The following PEPD variants were observed in gnomAD, a reference collection of about 807,000 sequenced individuals.
PEPD encodes the protein peptidase D.
In PEPD, 53 loss-of-function variants were observed where a neutral mutation model predicts 60.7. The ratio of observed to expected loss-of-function variants is 0.87; its 90% CI spans 0.70 to 1.10. The LOEUF (loss-of-function observed/expected upper bound fraction) is 1.10. PEPD is among the 50% of genes least tolerant of loss of function. PEPD has a pLI of 0.00. For synonymous variants in PEPD, 267 were observed against 284.1 expected (o/e 0.94, Z 0.60); for missense variants, 711 against 711.9 (o/e 1.00, Z 0.01).
chr19:33,507,061 C>G (rs1019911084), intron 3 of PEPD, among the ~76,000 whole-genome samples: 1 of 152,114 alleles, frequency 6.6e-6, no homozygotes, highest in African/African-American at 2.4e-5. Context: ...CAGCCCCCCA[C>G]ACATACACCA....
chr19:33,513,420 G>A (rs936166308), intron 1 of PEPD, among the ~76,000 whole-genome samples: 7 of 151,942 alleles, frequency 4.6e-5, no homozygotes, highest in African/African-American at 7.3e-5. Context: ...AGCCTCCCCC[G>A]ACACAAAGCA....
At chr19:33,477,213 CTTCT>C (rs1050191040) in intron 7 of PEPD, 2 of 152,690 alleles carry the variant, frequency 1.3e-5, no homozygotes, top group Non-Finnish European at 2.9e-5. Flanking sequence ...TCTCCTACTC[CTTCT>C]TTTTCCACAG....
At chr19:33,463,913 T>A in intron 8 of PEPD, 74 bp downstream of exon 8, 4 of 987,352 alleles carry the variant, frequency 4.1e-6, no homozygotes, top group Non-Finnish European at 6.4e-6. Context: ...TGGAAACCCT[T>A]CATCCTCACG....
intron 3 of PEPD, among the ~76,000 whole-genome samples, chr19:33,507,410 C>T (rs1197118433): frequency 1.3e-5 from 2 of 152,198 alleles, no homozygotes; most frequent in Non-Finnish European, 2.9e-5. Context: ...AGCTACCACC[C>T]TCCCCATCCC....
chr19:33,483,665 C>T (rs1970349965), intron 6 of PEPD, among the ~76,000 whole-genome samples: 1 of 152,176 alleles, frequency 6.6e-6, no homozygotes, highest in South Asian at 2.1e-4. Flanking sequence ...TAAAAATTAT[C>T]TGGGTGTGTT....
chr19:33,509,559 C>A (rs936709113), intron 3 of PEPD, among the ~76,000 whole-genome samples: 1 of 152,214 alleles, frequency 6.6e-6, no homozygotes, highest in Non-Finnish European at 1.5e-5. Context: ...GGAAGCTCCA[C>A]TGTGGCCCCA....
chr19:33,399,996 G>A (rs1339035896), intron 12 of PEPD, among the ~76,000 whole-genome samples: 1 of 152,066 alleles, frequency 6.6e-6, no homozygotes, highest in African/African-American at 2.4e-5. Context: ...TGGGCTCGGG[G>A]CACTCTGGGT....
chr19:33,519,266 A>G (rs968754027), intron 1 of PEPD, among the ~76,000 whole-genome samples: 2 of 152,218 alleles, frequency 1.3e-5, no homozygotes, highest in Non-Finnish European at 2.9e-5. Flanking sequence ...ACATCTTAAA[A>G]AGAGAGATGC....
chr19:33,467,019 T>G (rs1227231057), intron 7 of PEPD, among the ~76,000 whole-genome samples: 2 of 151,710 alleles, frequency 1.3e-5, no homozygotes, highest in Non-Finnish European at 2.9e-5. Context: ...TAGCTGGGCA[T>G]GGTGGCGGGC....
chr19:33,429,030 A>G (rs752420236), intron 9 of PEPD, among the ~76,000 whole-genome samples: 3 of 152,198 alleles, frequency 2.0e-5, no homozygotes, highest in Non-Finnish European at 4.4e-5. Flanking sequence ...CCCTGCAGCT[A>G]GGCTGGGACC....
At chr19:33,457,638 G>A (rs956802911) in intron 9 of PEPD, among the ~76,000 whole-genome samples, 1 of 152,242 alleles carries the variant, frequency 6.6e-6, no homozygotes, top group Admixed American at 6.5e-5. Context: ...AGCCTCCCAA[G>A]TAGCTGGGAC....
At chr19:33,397,472 G>A (rs954813323) in intron 12 of PEPD, among the ~76,000 whole-genome samples, 5 of 152,026 alleles carry the variant, frequency 3.3e-5, no homozygotes, top group African/African-American at 7.2e-5. Flanking sequence ...TACGGGAGGC[G>A]ACCTGCCCCA....
At chr19:33,402,491 C>T (rs1968520790) in intron 11 of PEPD, among the ~76,000 whole-genome samples, 1 of 152,234 alleles carries the variant, frequency 6.6e-6, no homozygotes, top group South Asian at 2.1e-4. Flanking sequence ...GGCTCTGCTG[C>T]AGCTCTGGGG....
In PEPD at chr19:33,419,307, G is replaced by T. The variant is rs897013771; in HGVS notation, c.672-5664C>A. On this transcript the variant is annotated intron_variant, in intron 9 of 14. Transcript: ENST00000244137. ...GAGCCCCACAAGGCACTGCACTGTG[G>T]GGATGGGTGGGCAGACTGATTCAAT... Among the ~76,000 whole-genome samples the T allele has an allele frequency of 8.5e-5, 13 of 152,328 alleles. No individual in the cohort carries two copies. In the East Asian group the frequency reaches 9.6e-4, roughly 11 times the overall value.
At chr19:33,400,215 T>C (rs1600084294) in intron 12 of PEPD, among the ~76,000 whole-genome samples, 1 of 152,154 alleles carries the variant, frequency 6.6e-6, no homozygotes, top group Non-Finnish European at 1.5e-5. Flanking sequence ...GACTATGACC[T>C]GGGCATGGCC....
At chr19:33,496,358 C>T (rs1008880392) in intron 4 of PEPD, among the ~76,000 whole-genome samples, 2 of 152,148 alleles carry the variant, frequency 1.3e-5, no homozygotes, top group Non-Finnish European at 2.9e-5. Flanking sequence ...ACAATCCAGG[C>T]CTGACTCTGA....
chr19:33,457,858 C>CAAACAAAAACAGAA (rs1555763395), intron 9 of PEPD, among the ~76,000 whole-genome samples: 6 of 151,848 alleles, frequency 4.0e-5, no homozygotes, highest in South Asian at 2.1e-4. Flanking sequence ...AACAAGCAAA[C>CAAACAAAAACAGAA]AAAAAGAGAA....
At chr19:33,421,610 T>C (rs1461167607) in intron 9 of PEPD, among the ~76,000 whole-genome samples, 1 of 151,526 alleles carries the variant, frequency 6.6e-6, no homozygotes, top group African/African-American at 2.4e-5. Context: ...CCCCCTTCAG[T>C]TTCCTGAGTA....
intron 6 of PEPD, among the ~76,000 whole-genome samples, chr19:33,484,664 C>T (rs10404814): frequency 1.7e-4 from 26 of 152,216 alleles, no homozygotes; most frequent in African/African-American, 6.3e-4. Context: ...CACACATACT[C>T]AGACAGGCAA....
Sources: gnomAD v4.1 joint callset for allele counts (sites outside exome capture counted in the v4.1 genomes callset) on GRCh38, gnomAD v4.1.1 for gene constraint, MANE v1.5 for transcripts, NCBI Gene and HGNC (gene_info 2026-07-23, HGNC 2026-07-21) for gene names.